Variants in GRB10 observed in about 807,000 individuals in gnomAD.
GRB10 encodes the protein growth factor receptor-bound protein 10.
In GRB10, 20 loss-of-function variants were observed where a neutral mutation model predicts 80.9. The ratio of observed to expected loss-of-function variants is 0.25; its 90% CI spans 0.17 to 0.36. The LOEUF (loss-of-function observed/expected upper bound fraction) is 0.36. Ranked by LOEUF, GRB10 falls within the 10% of genes least tolerant of loss-of-function variation. The pLI, the probability that GRB10 is intolerant of heterozygous loss-of-function variation, is 1.00. For synonymous variants in GRB10, 291 were observed against 291.5 expected (o/e 1.00, Z 0.02); for missense variants, 548 against 747.7 (o/e 0.73, Z 3.12).
chr7:50,727,115 C>T (rs1050146733), intron 4 of GRB10: 1 of 152,148 alleles, frequency 6.6e-6, no homozygotes, highest in African/African-American at 2.4e-5. Context: ...TTCACAGAGT[C>T]GGTGGAAGGC....
chr7:50,783,792 G>A (rs760146491), upstream of GRB10, among the ~76,000 whole-genome samples: 32 of 152,178 alleles, frequency 2.1e-4, 1 homozygote, highest in Admixed American at 7.9e-4. Context: ...ATTCACACAC[G>A]TTAAGGGGCA....
At position 50,781,480 on chromosome 7, in the gene GRB10, G is replaced by C. The variant is rs1475590248; in HGVS notation, c.-326-744C>G. ...GACTCCAGGCAGCACCCGAGGCCCT[G>C]GCCGCCAGCACGTCATAATCCCTGC... On this transcript the variant is annotated intron_variant, in intron 1 of 18. Coordinates refer to ENST00000401949, the MANE Select transcript of GRB10 (RefSeq NM_001350814.2). 7.9e-5 allele frequency: 12 copies of C among 152,290 alleles called. No homozygotes were observed. In the East Asian group the frequency reaches 2.3e-3, roughly 29 times the overall value. 9.4% of individuals were successfully genotyped at this position (152,290 alleles called of 1,614,324 possible).
intron 2 of GRB10, among the ~76,000 whole-genome samples, chr7:50,763,604 C>T (rs1042832043): frequency 2.0e-5 from 3 of 152,228 alleles, no homozygotes; most frequent in African/African-American, 4.8e-5. Context: ...AAACTGGAAG[C>T]AACCTAAATG....
intron 15 of GRB10, 197 bp downstream of exon 15, chr7:50,605,093 A>C (rs2048295469): frequency 1.7e-6 from 1 of 604,662 alleles, no homozygotes; most frequent in Middle Eastern, 4.5e-4. Flanking sequence ...GACAGGGGAC[A>C]GCGGGGAAAG....
At chr7:50,635,424 CAG>C (rs957716123) in intron 7 of GRB10, among the ~76,000 whole-genome samples, 5 of 151,810 alleles carry the variant, frequency 3.3e-5, no homozygotes, top group Non-Finnish European at 5.9e-5. Flanking sequence ...ATCAAAAAGA[CAG>C]AAAGTTCTCA....
At chr7:50,645,352 CCTG>C (rs2057009682) in intron 7 of GRB10, among the ~76,000 whole-genome samples, 1 of 152,142 alleles carries the variant, frequency 6.6e-6, no homozygotes, top group South Asian at 2.1e-4. Flanking sequence ...GGACTCCCAG[CCTG>C]CTACTTTTTC....
At chr7:50,793,197 C>T (rs1209077461) in intron 1 of GRB10, 5 of 146,482 alleles carry the variant, frequency 3.4e-5, no homozygotes, top group Non-Finnish European at 7.6e-5. Flanking sequence ...AGTAACTTGC[C>T]GCCGCGCTCC....
chr7:50,676,789 CG>C (rs147114776), intron 5 of GRB10, among the ~76,000 whole-genome samples: 11,763 of 152,160 alleles, frequency 0.077, 699 homozygotes, highest in South Asian at 0.12. Flanking sequence ...GGGTCACCCC[CG>C]GGGGTAGTGC....
rs148761748 is a variant in GRB10, at chr7:50,593,321, G to A, written c.1639-223C>T. Among the ~76,000 whole-genome samples the A allele has an allele frequency of 3.3e-3, 508 of 152,232 alleles. 6 individuals carry two copies. Among genetic ancestry groups the A allele is most frequent in the African/African-American group, 0.011 (448 of 41,522 alleles). On this transcript the variant is annotated intron_variant, in intron 18 of 18. Transcript: ENST00000401949. ...GAGGGACAGACTTTGGGTGGGCTGCGGAGGCTGCTGAGGACAGCTAGCTCC... is the reference window on the plus strand; with the variant it reads ...GAGGGACAGACTTTGGGTGGGCTGCAGAGGCTGCTGAGGACAGCTAGCTCC...
chr7:50,645,703 C>G lies in GRB10; in HGVS notation c.505-18725G>C, dbSNP rs764597519. The G allele has an allele frequency of 4.0e-6, 3 of 747,096 alleles. No homozygotes were observed. In the African/African-American group the frequency reaches 5.7e-5, roughly 14 times the overall value. 46.3% of individuals were successfully genotyped at this position (747,096 alleles called of 1,614,324 possible). ...ACCTCTTGGGGTCTGTCCATTTGCT[C>G]CCAGACAGGCTCAGTAAACATCGTC... is the stretch of plus-strand genomic sequence containing the variant. On this transcript the variant is annotated intron_variant, in intron 7 of 18. Transcript: ENST00000401949.
intron 10 of GRB10, among the ~76,000 whole-genome samples, chr7:50,617,659 C>A (rs1029029981): frequency 2.0e-5 from 3 of 152,156 alleles, no homozygotes; most frequent in Admixed American, 2.0e-4. Flanking sequence ...TCATCTTTTA[C>A]TATAGACTCT....
intron 4 of GRB10, among the ~76,000 whole-genome samples, chr7:50,708,299 T>C (rs1360302797): frequency 1.5e-5 from 2 of 132,482 alleles, no homozygotes; most frequent in African/African-American, 4.4e-5. Context: ...TTTAATTCAA[T>C]AGATAGACAC....
intron 7 of GRB10, among the ~76,000 whole-genome samples, chr7:50,643,856 A>G (rs1290798647): frequency 6.6e-6 from 1 of 152,238 alleles, no homozygotes; most frequent in African/African-American, 2.4e-5. Context: ...ACAATTGGGG[A>G]ATCAGGGTAA....
chr7:50,677,200 T>C (rs1475045286), intron 5 of GRB10, among the ~76,000 whole-genome samples: 1 of 152,210 alleles, frequency 6.6e-6, no homozygotes, highest in East Asian at 1.9e-4. Flanking sequence ...TGGTCAAATA[T>C]TAATCCTGGC....
intron 7 of GRB10, among the ~76,000 whole-genome samples, chr7:50,630,898 C>A (rs772721050): frequency 3.9e-5 from 6 of 152,210 alleles, no homozygotes; most frequent in Non-Finnish European, 7.3e-5. Flanking sequence ...CCCAGACTTT[C>A]TGTTGTCACT....
intron 2 of GRB10, among the ~76,000 whole-genome samples, chr7:50,767,909 G>A (rs2076532180): frequency 6.6e-6 from 1 of 152,166 alleles, no homozygotes; most frequent in Non-Finnish European, 1.5e-5. Flanking sequence ...TGGAACTGGG[G>A]AGACCAGTTG....
At chr7:50,739,439 C>T (rs1239684850) in intron 3 of GRB10, among the ~76,000 whole-genome samples, 4 of 152,106 alleles carry the variant, frequency 2.6e-5, no homozygotes, top group African/African-American at 9.7e-5. Context: ...GTCAAATAGA[C>T]ATCTTCTAAC....
chr7:50,733,650 G>A (rs1034926709), intron 3 of GRB10, among the ~76,000 whole-genome samples: 4 of 152,180 alleles, frequency 2.6e-5, no homozygotes, highest in African/African-American at 7.2e-5. Context: ...AACTGTGCCC[G>A]CATCCACCCT....
intron 18 of GRB10, among the ~76,000 whole-genome samples, chr7:50,593,425 G>C (rs2046070707): frequency 6.6e-6 from 1 of 152,102 alleles, no homozygotes; most frequent in South Asian, 2.1e-4. Context: ...ACATTTACCA[G>C]TTAACTTGTA....
Sources: gnomAD v4.1 joint callset for allele counts (sites outside exome capture counted in the v4.1 genomes callset) on GRCh38, gnomAD v4.1.1 for gene constraint, MANE v1.5 for transcripts, NCBI Gene and HGNC (gene_info 2026-07-23, HGNC 2026-07-21) for gene names.